Variants in ZNF678 observed in about 807,000 individuals in gnomAD.
ZNF678 encodes the protein hypothetical protein MGC42493.
ZNF678 carries 5 observed loss-of-function variants against 3.0 expected under a neutral mutation model. The ratio of observed to expected loss-of-function variants is 1.69; its 90% CI spans 0.88 to 3.56. ZNF678 has a LOEUF of 3.56. ZNF678 is among the 30% of genes most tolerant of loss of function. The pLI is 0.00. For missense variants in ZNF678, 593 were observed against 605.0 expected (o/e 0.98, Z 0.21); for synonymous variants, 218 against 199.6 (o/e 1.09, Z -0.78).
At chr1:227,575,447 A>G (rs1284145147) in intron 1 of ZNF678, among the ~76,000 whole-genome samples, 1 of 152,022 alleles carries the variant, frequency 6.6e-6, no homozygotes, top group African/African-American at 2.4e-5. Flanking sequence ...CTCCTTGTAG[A>G]GATCTTTCAC....
intron 1 of ZNF678, among the ~76,000 whole-genome samples, chr1:227,565,368 G>C (rs1656650255): frequency 1.3e-5 from 2 of 152,032 alleles, no homozygotes; most frequent in African/African-American, 2.4e-5. Flanking sequence ...CTGACTTGTT[G>C]TTTTTAAGAG....
chr1:227,650,928 A>C (rs1469377471), intron 2 of ZNF678, 28 bp from the exon 3 acceptor site: 1 of 1,520,198 alleles, frequency 6.6e-7, no homozygotes, highest in African/African-American at 1.4e-5. Context: ...GCTTTTAAAA[A>C]ATTTTCTTGC....
intron 1 of ZNF678, among the ~76,000 whole-genome samples, chr1:227,596,280 C>T (rs980518739): frequency 5.3e-5 from 8 of 152,158 alleles, no homozygotes; most frequent in South Asian, 2.1e-4. Context: ...TATAGCAGGA[C>T]GAACCTAAGA....
chr1:227,605,452 A>G (rs1013744137), intron 1 of ZNF678, among the ~76,000 whole-genome samples: 1 of 152,236 alleles, frequency 6.6e-6, no homozygotes, highest in Admixed American at 6.5e-5. Context: ...TTTTAAAGCA[A>G]AATTTTCCAG....
intron 1 of ZNF678, among the ~76,000 whole-genome samples, chr1:227,599,899 A>T (rs1657692068): frequency 6.6e-6 from 1 of 152,156 alleles, no homozygotes; most frequent in Non-Finnish European, 1.5e-5. Context: ...TTGGTTGTAC[A>T]GATTATTTCA....
chr1:227,632,796 C>T (rs1317126729), intron 1 of ZNF678, among the ~76,000 whole-genome samples: 2 of 152,140 alleles, frequency 1.3e-5, no homozygotes, highest in African/African-American at 4.8e-5. Flanking sequence ...TATGGGCTAC[C>T]AAATATTACC....
At chr1:227,620,377 G>C (rs997152836) in intron 1 of ZNF678, among the ~76,000 whole-genome samples, 1 of 152,150 alleles carries the variant, frequency 6.6e-6, no homozygotes, top group Non-Finnish European at 1.5e-5. Flanking sequence ...AAGTTTGTGT[G>C]TGTGTGTGTT....
chr1:227,652,152 T>G, intron 3 of ZNF678, among the ~76,000 whole-genome samples: 1 of 152,202 alleles, frequency 6.6e-6, no homozygotes, highest in East Asian at 1.9e-4. Flanking sequence ...AAATGAACAC[T>G]TTTATTATTA....
intron 1 of ZNF678, among the ~76,000 whole-genome samples, chr1:227,635,515 T>TTGTGTG (rs56135481): frequency 0.07 from 8,977 of 127,908 alleles, 384 homozygotes; most frequent in Middle Eastern, 0.092. Context: ...GGGTGAACAT[T>TTGTGTG]TGTGTGTGTG....
At chr1:227,665,796 T>G (rs1290038557), downstream of ZNF678, among the ~76,000 whole-genome samples, 1 of 152,238 alleles carries the variant, frequency 6.6e-6, no homozygotes, top group Non-Finnish European at 1.5e-5. Flanking sequence ...CTTTTTCTAG[T>G]CAATAATCTT....
intron 1 of ZNF678, among the ~76,000 whole-genome samples, chr1:227,606,267 G>A (rs1252915382): frequency 6.6e-6 from 1 of 152,144 alleles, no homozygotes; most frequent in Non-Finnish European, 1.5e-5. Context: ...GGGTGATGGT[G>A]GGGAGAAGGT....
intron 1 of ZNF678, among the ~76,000 whole-genome samples, chr1:227,590,512 G>C (rs183493982): frequency 6.6e-6 from 1 of 151,904 alleles, no homozygotes; most frequent in African/African-American, 2.4e-5. Flanking sequence ...GAGCCGTCTT[G>C]TGCCCAAGCG....
intron 1 of ZNF678, among the ~76,000 whole-genome samples, chr1:227,645,827 A>G (rs777638503): frequency 1.3e-5 from 2 of 152,164 alleles, no homozygotes; most frequent in Non-Finnish European, 2.9e-5. Context: ...TGTTAATTTT[A>G]TTCACTAGGT....
intron 3 of ZNF678, among the ~76,000 whole-genome samples, chr1:227,654,092 A>G (rs1416622317): frequency 6.6e-6 from 1 of 152,088 alleles, no homozygotes; most frequent in Non-Finnish European, 1.5e-5. Context: ...TTTCTATTCT[A>G]CATGGATTTT....
At chr1:227,581,093 A>T (rs1390578262) in intron 1 of ZNF678, among the ~76,000 whole-genome samples, 1 of 152,094 alleles carries the variant, frequency 6.6e-6, no homozygotes, top group Non-Finnish European at 1.5e-5. Flanking sequence ...ATATGAAGAA[A>T]AGGAGGAAAA....
chr1:227,671,893 TA>T (rs1659606453), intron 5 of ZNF678, among the ~76,000 whole-genome samples: 1 of 152,192 alleles, frequency 6.6e-6, no homozygotes, highest in Non-Finnish European at 1.5e-5. Context: ...TTTTAAAATG[TA>T]AAAAAATAGG....
intron 1 of ZNF678, among the ~76,000 whole-genome samples, chr1:227,641,642 T>C (rs539178207): frequency 1.3e-4 from 20 of 152,288 alleles, no homozygotes; most frequent in Non-Finnish European, 2.8e-4. Flanking sequence ...CCTTTCTTTT[T>C]TGGGGCGTCC....
intron 1 of ZNF678, among the ~76,000 whole-genome samples, chr1:227,587,842 TA>T (rs1657301993): frequency 6.6e-6 from 1 of 150,780 alleles, no homozygotes; most frequent in Non-Finnish European, 1.5e-5. Flanking sequence ...TTCAAGACTT[TA>T]AAAAAAATTC....
chr1:227,581,484 A>G (rs532328006), intron 1 of ZNF678, among the ~76,000 whole-genome samples: 40 of 152,338 alleles, frequency 2.6e-4, no homozygotes, highest in African/African-American at 9.4e-4. Context: ...CCTGATTTCT[A>G]AAACCATTAA....
Sources: gnomAD v4.1 joint callset for allele counts (sites outside exome capture counted in the v4.1 genomes callset) on GRCh38, gnomAD v4.1.1 for gene constraint, MANE v1.5 for transcripts, NCBI Gene and HGNC (gene_info 2026-07-23, HGNC 2026-07-21) for gene names.